The following FMNL2 variants were observed in gnomAD, a reference collection of about 807,000 sequenced individuals.
FMNL2 encodes the protein formin like 2, also known as formin-like protein 2.
FMNL2 carries 51 observed loss-of-function variants against 130.2 expected under a neutral mutation model. The ratio of observed to expected loss-of-function variants is 0.39; its 90% CI spans 0.31 to 0.49. The LOEUF is 0.49. FMNL2 is among the 20% of genes least tolerant of loss of function. FMNL2 has a pLI of 0.85. For synonymous variants in FMNL2, 465 were observed against 467.1 expected (o/e 1.00, Z 0.06); for missense variants, 977 against 1,316.2 (o/e 0.74, Z 3.99).
chr2:152,601,053 A>G (rs893656628), intron 9 of FMNL2, among the ~76,000 whole-genome samples: 3 of 151,988 alleles, frequency 2.0e-5, no homozygotes. Flanking sequence ...TTTTTTTCAA[A>G]TTTTTTATTT....
chr2:152,498,237 A>G (rs995202720), intron 1 of FMNL2, among the ~76,000 whole-genome samples: 5 of 152,094 alleles, frequency 3.3e-5, no homozygotes, highest in African/African-American at 1.2e-4. Context: ...TTCACCTTTT[A>G]CCATGTAGCA....
chr2:152,641,624 G>A (rs996519072), intron 25 of FMNL2, among the ~76,000 whole-genome samples: 1 of 152,138 alleles, frequency 6.6e-6, no homozygotes, highest in African/African-American at 2.4e-5. Flanking sequence ...ATAATATGCA[G>A]ATGTACTGAA....
At chr2:152,553,067 G>C (rs2105551724) in intron 4 of FMNL2, among the ~76,000 whole-genome samples, 1 of 152,322 alleles carries the variant, frequency 6.6e-6, no homozygotes, top group Non-Finnish European at 1.5e-5. Context: ...GGCAAGGAGG[G>C]GAAGGAGGTT....
chr2:152,527,866 C>T (rs1371101059), intron 2 of FMNL2, among the ~76,000 whole-genome samples: 1 of 152,010 alleles, frequency 6.6e-6, no homozygotes, highest in Admixed American at 6.5e-5. Context: ...CTTCTTTGCC[C>T]AGGCCCAGGA....
chr2:152,580,843 T>G (rs1558980631), intron 8 of FMNL2, 113 bp from the exon 9 acceptor site: 16 of 961,666 alleles, frequency 1.7e-5, no homozygotes, highest in Non-Finnish European at 2.4e-5. Context: ...TAGTAAAATT[T>G]TTTAAAAATG....
chr2:152,358,222 G>A (rs1044387764), intron 1 of FMNL2, among the ~76,000 whole-genome samples: 2 of 152,208 alleles, frequency 1.3e-5, no homozygotes, highest in Non-Finnish European at 2.9e-5. Context: ...GGGCTCTCGG[G>A]CATTTGGCCA....
At chr2:152,378,828 A>G (rs1205583687) in intron 1 of FMNL2, among the ~76,000 whole-genome samples, 3 of 152,054 alleles carry the variant, frequency 2.0e-5, no homozygotes, top group Non-Finnish European at 4.4e-5. Flanking sequence ...TTAATGAGAT[A>G]GATGGAGGTG....
At chr2:152,580,864 T>C (rs944432972) in intron 8 of FMNL2, 92 bp from the exon 9 acceptor site, 1 of 1,165,974 alleles carries the variant, frequency 8.6e-7, no homozygotes, top group Non-Finnish European at 1.2e-6. Flanking sequence ...TAAGGGCAAA[T>C]GTTTTATTCT....
intron 1 of FMNL2, among the ~76,000 whole-genome samples, chr2:152,470,301 T>C (rs1193868927): frequency 6.6e-6 from 1 of 152,110 alleles, no homozygotes; most frequent in Admixed American, 6.6e-5. Flanking sequence ...TAATCTCAGG[T>C]GATGTGTATG....
intron 4 of FMNL2, 44 bp from the exon 5 acceptor site, chr2:152,558,696 G>A: frequency 6.5e-7 from 1 of 1,542,212 alleles, no homozygotes; most frequent in African/African-American, 1.4e-5. Flanking sequence ...GGCAGGTCAT[G>A]TGATCAATTT....
chr2:152,619,326 C>T (rs56191709), intron 14 of FMNL2, among the ~76,000 whole-genome samples, 168 bp downstream of exon 14: 46,834 of 152,114 alleles, frequency 0.31, 7,922 homozygotes, highest in African/African-American at 0.43. Context: ...ATTTATAAAT[C>T]CTCATTTCAC....
intron 1 of FMNL2, among the ~76,000 whole-genome samples, chr2:152,482,135 G>A (rs889421464): frequency 6.6e-6 from 1 of 152,144 alleles, no homozygotes; most frequent in African/African-American, 2.4e-5. Flanking sequence ...GTCAATGACA[G>A]GTCGCTATAA....
chr2:152,451,125 TAACTTTG>T (rs1268999467), intron 1 of FMNL2, among the ~76,000 whole-genome samples: 1 of 152,194 alleles, frequency 6.6e-6, no homozygotes, highest in Non-Finnish European at 1.5e-5. Flanking sequence ...TTGGAGGTGC[TAACTTTG>T]AACTCTTGGA....
rs370350208 is a variant in FMNL2 at position 152,640,048 on chromosome 2, G to T, written c.3037G>T (p.Asp1013Tyr). 1.9e-6 allele frequency: 3 copies of T among 1,551,440 alleles called. No homozygotes were observed. Among genetic ancestry groups the T allele is most frequent in the African/African-American group, 2.7e-5 (2 of 72,840 alleles). Residue 1013 changes from aspartate (D) to tyrosine (Y), a missense_variant, in exon 24 of 26, where the codon GAT becomes TAT. Physicochemically the swap from Asp to Tyr is radical, Grantham distance 160. This residue lies in a region of FMNL2 where 168 missense variants were observed against 168.8 expected (regional missense o/e 1.00). Coordinates refer to ENST00000288670, the MANE Select transcript of FMNL2 (RefSeq NM_052905.4). The part of the protein sequence containing the change: ...LEQEALMEQQ[D>Y]PKSPSHKSKR... The stretch of plus-strand genomic sequence containing the variant: ...GCAAGAAGCTCTGATGGAGCAGCAG[G>T]ATCCAAAGGTAAGAAGTGCCGCACT...
At chr2:152,632,902 G>A (rs1017669886) in intron 21 of FMNL2, among the ~76,000 whole-genome samples, 1 of 152,146 alleles carries the variant, frequency 6.6e-6, no homozygotes, top group Admixed American at 6.5e-5. Context: ...AGCAGCCAGT[G>A]TTTATTATAA....
At chr2:152,480,633 T>TTAA (rs1690460364) in intron 1 of FMNL2, among the ~76,000 whole-genome samples, 1 of 37,372 alleles carries the variant, frequency 2.7e-5, no homozygotes, top group African/African-American at 7.6e-5. Flanking sequence ...AGACTCTGTC[T>TTAA]AAAAAAAAAA....
At chr2:152,646,461 T>G (rs570287690) in intron 25 of FMNL2, among the ~76,000 whole-genome samples, 7 of 152,268 alleles carry the variant, frequency 4.6e-5, no homozygotes, top group Admixed American at 3.3e-4. Context: ...AGCTCCAACT[T>G]CTTTTTGCTG....
chr2:152,506,261 T>C (rs1455505621), intron 1 of FMNL2, among the ~76,000 whole-genome samples: 1 of 152,192 alleles, frequency 6.6e-6, no homozygotes, highest in East Asian at 1.9e-4. Flanking sequence ...ATAGAGGGCC[T>C]TTTATTTTAG....
At chr2:152,359,397 T>G (rs1683029124) in intron 1 of FMNL2, among the ~76,000 whole-genome samples, 1 of 151,974 alleles carries the variant, frequency 6.6e-6, no homozygotes, top group Admixed American at 6.6e-5. Flanking sequence ...TTGAGTCCCC[T>G]GGCTCCTAAG....
Sources: gnomAD v4.1 joint callset for allele counts (sites outside exome capture counted in the v4.1 genomes callset) on GRCh38, gnomAD v4.1.1 for gene constraint, gnomAD v4.1.1 regional missense constraint, MANE v1.5 for transcripts, NCBI Gene and HGNC (gene_info 2026-07-23, HGNC 2026-07-21) for gene names.